Variants in TSPAN18 observed in about 807,000 individuals in gnomAD.
TSPAN18 encodes tetraspanin-18.
TSPAN18 carries 14 observed loss-of-function variants against 27.3 expected under a neutral mutation model. The ratio of observed to expected loss-of-function variants is 0.51; its 90% CI spans 0.34 to 0.80. The LOEUF (loss-of-function observed/expected upper bound fraction) is 0.80. Ranked by LOEUF, TSPAN18 falls within the 30% of genes least tolerant of loss-of-function variation. The pLI is 0.01. For synonymous variants in TSPAN18, 143 were observed against 136.5 expected (o/e 1.05, Z -0.33); for missense variants, 268 against 323.9 (o/e 0.83, Z 1.32).
At chr11:44,773,273 G>A (rs369829201) in intron 2 of TSPAN18, among the ~76,000 whole-genome samples, 6 of 151,860 alleles carry the variant, frequency 4.0e-5, no homozygotes, top group East Asian at 3.9e-4. Context: ...AAAATTAGCC[G>A]GGCGTGGTGG....
chr11:44,835,555 C>T (rs1210606828), intron 2 of TSPAN18, among the ~76,000 whole-genome samples: 4 of 151,784 alleles, frequency 2.6e-5, no homozygotes, highest in Admixed American at 6.6e-5. Context: ...GCTGAGACAG[C>T]GATCTGCAAC....
At chr11:44,913,057 A>G (rs1206570725) in intron 5 of TSPAN18, among the ~76,000 whole-genome samples, 3 of 152,226 alleles carry the variant, frequency 2.0e-5, no homozygotes, top group African/African-American at 7.2e-5. Flanking sequence ...ACCTGGACCT[A>G]ACTGTGTGGT....
rs572604912 is a variant in TSPAN18 at position 44,822,994 on chromosome 11, A to G, written c.-152-37334A>G. On this transcript the variant is annotated intron_variant, in intron 2 of 9. Transcript: ENST00000520358. The stretch of plus-strand genomic sequence containing the variant: ...CTTGTACAAATTCTCCCTGACTTGC[A>G]ATGAGGATCAGCAAGACACTTCTGG... Among the ~76,000 whole-genome samples the G allele has an allele frequency of 2.6e-5, 4 of 152,326 alleles. No homozygotes were observed. The East Asian group carries it at 7.7e-4, about 29-fold the overall frequency.
rs967752614 is a variant in TSPAN18 at position 44,734,453 on chromosome 11, C to T, written c.-240+7166C>T. ...GCAAGAATATAGGAAAGCTAAAAAGCGAGTCAAGTGCCTGGCACATAGTAG... is the reference window on the plus strand; with the variant it reads ...GCAAGAATATAGGAAAGCTAAAAAGTGAGTCAAGTGCCTGGCACATAGTAG... On this transcript the variant is annotated intron_variant, in intron 1 of 9. Coordinates refer to ENST00000520358, the MANE Select transcript of TSPAN18 (RefSeq NM_130783.5). 1.1e-4 allele frequency among the ~76,000 whole-genome samples: 16 copies of T among 152,226 alleles called. No homozygotes were observed. The South Asian group carries it at 1.4e-3, about 14-fold the overall frequency.
At chr11:44,842,358 G>A (rs114982564) in intron 2 of TSPAN18, among the ~76,000 whole-genome samples, 1 of 152,220 alleles carries the variant, frequency 6.6e-6, no homozygotes, top group South Asian at 2.1e-4. Context: ...CTGCCTGAAC[G>A]TGTTTGACCC....
At chr11:44,810,425 G>A (rs1272559407) in intron 2 of TSPAN18, among the ~76,000 whole-genome samples, 1 of 152,008 alleles carries the variant, frequency 6.6e-6, no homozygotes, top group Non-Finnish European at 1.5e-5. Context: ...TGCTTTCATG[G>A]TTCATTTCTG....
chr11:44,878,494 A>G (rs1858401705), intron 3 of TSPAN18, among the ~76,000 whole-genome samples: 1 of 152,128 alleles, frequency 6.6e-6, no homozygotes, highest in African/African-American at 2.4e-5. Flanking sequence ...TTTATTATGC[A>G]GTATGGGCTG....
rs191027050 is a variant in TSPAN18, at chr11:44,751,662, A to G, written c.-239-12764A>G. 3.9e-4 allele frequency among the ~76,000 whole-genome samples: 59 copies of G among 152,306 alleles called. No homozygotes were observed. The East Asian group carries it at 0.01, about 26-fold the overall frequency. ...GGCTGGTGCAGTGGCTCACACCTGT[A>G]ATCCCAGCACTTTGGGAGGCCAAGG... On this transcript the variant is annotated intron_variant, in intron 1 of 9. Transcript: ENST00000520358.
At chr11:44,867,356 G>A (rs946445411) in intron 3 of TSPAN18, among the ~76,000 whole-genome samples, 19 of 151,920 alleles carry the variant, frequency 1.3e-4, no homozygotes, top group African/African-American at 3.9e-4. Flanking sequence ...GCTGGGGAAG[G>A]GGGAGGTACT....
At chr11:44,890,202 A>G (rs963757834) in intron 3 of TSPAN18, among the ~76,000 whole-genome samples, 2 of 152,202 alleles carry the variant, frequency 1.3e-5, no homozygotes, top group East Asian at 3.9e-4. Context: ...GTGAGCCATT[A>G]CCTTCAAGGC....
intron 2 of TSPAN18, among the ~76,000 whole-genome samples, chr11:44,828,516 G>A (rs1372283035): frequency 6.6e-6 from 1 of 152,134 alleles, no homozygotes; most frequent in African/African-American, 2.4e-5. Context: ...TAAGCACTGC[G>A]GCAGGGGCCC....
intron 1 of TSPAN18, among the ~76,000 whole-genome samples, chr11:44,759,755 CT>C (rs1227508266): frequency 2.5e-4 from 38 of 152,320 alleles, no homozygotes; most frequent in African/African-American, 8.4e-4. Flanking sequence ...GAGTCAGGAA[CT>C]GAGACTCAGA....
At chr11:44,747,295 G>T (rs148207223) in intron 1 of TSPAN18, among the ~76,000 whole-genome samples, 1 of 152,362 alleles carries the variant, frequency 6.6e-6, no homozygotes, top group East Asian at 1.9e-4. Context: ...CTTCAGCAAG[G>T]AGCTCGTTGC....
At chr11:44,867,369 A>G in intron 3 of TSPAN18, among the ~76,000 whole-genome samples, 1 of 138,866 alleles carries the variant, frequency 7.2e-6, no homozygotes, top group South Asian at 2.4e-4. Context: ...GAGGTACTGG[A>G]GAAGGCTTGG....
chr11:44,742,169 T>A (rs1316716461), intron 1 of TSPAN18, among the ~76,000 whole-genome samples: 2 of 152,020 alleles, frequency 1.3e-5, no homozygotes, highest in African/African-American at 4.8e-5. Flanking sequence ...GCCTTTTCCG[T>A]TGTATGGAAA....
At chr11:44,824,583 G>A (rs899964026) in intron 2 of TSPAN18, among the ~76,000 whole-genome samples, 1 of 152,220 alleles carries the variant, frequency 6.6e-6, no homozygotes, top group African/African-American at 2.4e-5. Context: ...TAGGGCTGTG[G>A]GAAGCCAGAC....
At chr11:44,785,173 G>T (rs56951535) in intron 2 of TSPAN18, among the ~76,000 whole-genome samples, 7,504 of 152,204 alleles carry the variant, frequency 0.049, 359 homozygotes, top group East Asian at 0.16. Context: ...CAAAATAAAT[G>T]CAGGGGATGG....
At chr11:44,926,142 G>A in intron 8 of TSPAN18, among the ~76,000 whole-genome samples, 1 of 152,140 alleles carries the variant, frequency 6.6e-6, no homozygotes, top group East Asian at 1.9e-4. Flanking sequence ...TGTTTCCTTG[G>A]GGAAGTGGCC....
chr11:44,727,474 C>T (rs1238728724), intron 1 of TSPAN18, among the ~76,000 whole-genome samples, 187 bp downstream of exon 1: 1 of 152,196 alleles, frequency 6.6e-6, no homozygotes. Context: ...GGCTGGGGGG[C>T]CGGGGACGGT....
Sources: allele counts gnomAD v4.1 joint callset (sites outside exome capture counted in the v4.1 genomes callset), GRCh38; gene constraint gnomAD v4.1.1; transcripts MANE v1.5; gene names NCBI Gene and HGNC (gene_info 2026-07-23, HGNC 2026-07-21).